KCNK17: variants seen among roughly 807,000 people sequenced by gnomAD.
The protein encoded by KCNK17 is potassium channel subfamily K member 17.
A neutral mutation model predicts 24.6 loss-of-function variants in KCNK17; 27 were observed. The observed-to-expected ratio is 1.10, with a 90% CI of 0.81 to 1.51. KCNK17 has a LOEUF of 1.51. KCNK17 is among the 40% of genes most tolerant of loss of function. The pLI, the probability that KCNK17 is intolerant of heterozygous loss-of-function variation, is 0.00. For synonymous variants in KCNK17, 181 were observed against 189.8 expected, an observed-to-expected ratio of 0.95 and a Z score of 0.38; for missense variants, 450 against 436.6, an observed-to-expected ratio of 1.03 and a Z score of -0.27.
chr6:39,305,703 G>T (rs978649615), intron 2 of KCNK17, among the ~76,000 whole-genome samples: 1 of 152,136 alleles, frequency 6.6e-6, no homozygotes, highest in African/African-American at 2.4e-5. Context: ...TCTCCTGTCT[G>T]CTGGGGAAAG....
At chr6:39,301,605 G>A (rs1204538830) in intron 4 of KCNK17, among the ~76,000 whole-genome samples, 3 of 152,270 alleles carry the variant, frequency 2.0e-5, no homozygotes, top group Admixed American at 6.5e-5. Context: ...AGGGGAGGAG[G>A]CGCTCTTCTC....
In KCNK17 at chr6:39,299,433, G is replaced by A. The variant is rs483353015; in HGVS notation, c.993C>T (p.Asp331=). The A allele has an allele frequency of 4.7e-4, 765 of 1,612,258 alleles. 16 individuals are homozygous for A. In the South Asian group the frequency reaches 6.9e-3, roughly 14 times the overall value. ...PSAHAAGCGK[D]S ...ACCAAAGAATGGAGTATAACTAGCT[G>A]TCCTTGCCACAGCCTGCAGCGTGAG... Residue 331 remains aspartate, a synonymous_variant, in exon 5 of 5, where the codon GAC becomes GAT. Coordinates refer to ENST00000373231, the MANE Select transcript of KCNK17 (RefSeq NM_031460.4).
At position 39,304,504 on chromosome 6, in the gene KCNK17, G is replaced by A; in HGVS notation, c.504C>T (p.Gly168=). The A allele has an allele frequency of 1.2e-6, 2 of 1,612,390 alleles. No individual in the cohort carries two copies. Among genetic ancestry groups the A allele is most frequent in the Non-Finnish European group, 1.7e-6 (2 of 1,178,654 alleles). ...GVNHWASRLG[G]TWQDPDKARW... ...CCAGCAGCCCCCTCACCTGCCAGGTGCCCCCCAGCCTGCTGGCCCAGTGGT... is the reference window on the plus strand; with the variant it reads ...CCAGCAGCCCCCTCACCTGCCAGGTACCCCCCAGCCTGCTGGCCCAGTGGT... Residue 168 remains glycine (G), a synonymous_variant, in exon 3 of 5, where the codon GGC becomes GGT. Coordinates refer to ENST00000373231, the MANE Select transcript of KCNK17 (RefSeq NM_031460.4).
rs1324578765 is a variant in KCNK17, at chr6:39,299,452, G to A, written c.974C>T (p.Ala325Val). 6.2e-7 allele frequency: 1 copy of A among 1,613,832 alleles called. No individual in the cohort carries two copies. Among genetic ancestry groups the A allele is most frequent in the Non-Finnish European group, 8.5e-7 (1 of 1,179,734 alleles). The part of the protein sequence containing the change: ...IIQHLEPSAH[A>V]AGCGKDS ...CTAGCTGTCCTTGCCACAGCCTGCAGCGTGAGCAGAAGGTTCCAGATGCTG... is the reference window on the plus strand; with the variant it reads ...CTAGCTGTCCTTGCCACAGCCTGCAACGTGAGCAGAAGGTTCCAGATGCTG... The change falls in exon 5 of 5, where the codon GCT becomes GTT. Residue 325 changes from alanine (A) to valine (V), a missense_variant. Ala to Val is a moderately conservative substitution (Grantham distance 64). Coordinates refer to ENST00000373231, the MANE Select transcript of KCNK17 (RefSeq NM_031460.4).
intron 2 of KCNK17, among the ~76,000 whole-genome samples, chr6:39,306,418 A>C (rs1431834548): frequency 6.6e-6 from 1 of 152,246 alleles, no homozygotes; most frequent in African/African-American, 2.4e-5. Flanking sequence ...TCTTCACTAC[A>C]TATGTGTTGA....
intron 4 of KCNK17, among the ~76,000 whole-genome samples, chr6:39,302,909 T>A (rs1761969596): frequency 6.6e-6 from 1 of 152,188 alleles, no homozygotes; most frequent in African/African-American, 2.4e-5. Context: ...TAGAAGGCAC[T>A]GAGGGGCTCT....
chr6:39,304,417 C>G (rs1562081636), intron 3 of KCNK17, 78 bp downstream of exon 3: 1 of 1,322,630 alleles, frequency 7.6e-7, no homozygotes, highest in Admixed American at 1.7e-5. Flanking sequence ...CACCTCTTGT[C>G]ATTAGTAACC....
intron 2 of KCNK17, among the ~76,000 whole-genome samples, chr6:39,310,631 A>G (rs1184893433): frequency 6.6e-6 from 1 of 152,160 alleles, no homozygotes; most frequent in South Asian, 2.1e-4. Flanking sequence ...CATGTGGGGC[A>G]GAAGTCCCCT....
chr6:39,304,092 G>A lies in KCNK17; in HGVS notation c.553C>T (p.Leu185Phe), dbSNP rs539707399. The change falls in exon 4 of 5, where the codon CTC becomes TTC. Residue 185 changes from leucine to phenylalanine, a missense_variant. Transcript: ENST00000373231. ...AGGAAGAGCAGGAGGCCCGAGAGGAGGGCGCCAGAGCCCGCCAGCCACCGC... is the reference window on the plus strand; with the variant it reads ...AGGAAGAGCAGGAGGCCCGAGAGGAAGGCGCCAGAGCCCGCCAGCCACCGC... ...KARWLAGSGA[L>F]LSGLLLFLLL... The A allele has an allele frequency of 1.1e-5, 17 of 1,611,782 alleles. No individual in the cohort carries two copies. The South Asian group carries it at 1.5e-4, about 15-fold the overall frequency.
intron 4 of KCNK17, 36 bp from the exon 5 acceptor site, chr6:39,299,773 G>A: frequency 1.3e-6 from 2 of 1,591,896 alleles, no homozygotes; most frequent in Non-Finnish European, 1.7e-6. Flanking sequence ...TGGAGGCCTG[G>A]GAAAGTCAGG....
chr6:39,307,016 C>T (rs1054020372), intron 2 of KCNK17, among the ~76,000 whole-genome samples: 30 of 152,164 alleles, frequency 2.0e-4, no homozygotes, highest in African/African-American at 7.2e-4. Context: ...CCTGCCTTGG[C>T]CTCCCAAAGT....
At chr6:39,305,484 G>A (rs180935120) in intron 2 of KCNK17, among the ~76,000 whole-genome samples, 62 of 148,760 alleles carry the variant, frequency 4.2e-4, no homozygotes, top group Non-Finnish European at 6.6e-4. Context: ...CCTAGGGGAG[G>A]AGGTAGAAGT....
At chr6:39,310,865 C>CCA in intron 2 of KCNK17, 28 bp downstream of exon 2, 29 of 1,258,896 alleles carry the variant, frequency 2.3e-5, no homozygotes, top group Non-Finnish European at 2.9e-5. Flanking sequence ...CCCCCACCCC[C>CCA]ATCCCCCTGG....
At chr6:39,310,080 G>A (rs1206788318) in intron 2 of KCNK17, among the ~76,000 whole-genome samples, 1 of 152,234 alleles carries the variant, frequency 6.6e-6, no homozygotes, top group Admixed American at 6.5e-5. Context: ...GCCAGGAACT[G>A]GGAGGCGGTA....
intron 3 of KCNK17, 85 bp from the exon 4 acceptor site, chr6:39,304,216 G>T (rs75115469): frequency 7.5e-7 from 1 of 1,330,640 alleles, no homozygotes; most frequent in Non-Finnish European, 1.0e-6. Flanking sequence ...GGCCAGAGCT[G>T]TCCCCAGTAA....
intron 2 of KCNK17, among the ~76,000 whole-genome samples, chr6:39,309,263 T>A (rs1762090000): frequency 6.6e-6 from 1 of 152,100 alleles, no homozygotes; most frequent in Admixed American, 6.5e-5. Flanking sequence ...GGCGGAGGTT[T>A]CAGTGAGCTG....
At chr6:39,310,169 G>C (rs1213096939) in intron 2 of KCNK17, among the ~76,000 whole-genome samples, 2 of 152,148 alleles carry the variant, frequency 1.3e-5, no homozygotes, top group Non-Finnish European at 2.9e-5. Flanking sequence ...GAAGGATCTG[G>C]GTGGCTCGAC....
intron 4 of KCNK17, among the ~76,000 whole-genome samples, chr6:39,303,376 C>T (rs752356223): frequency 7.9e-5 from 12 of 152,214 alleles, no homozygotes; most frequent in Non-Finnish European, 4.4e-5. Flanking sequence ...TGCTGGGCAT[C>T]GGACTCAGCC....
intron 4 of KCNK17, among the ~76,000 whole-genome samples, chr6:39,299,939 C>G (rs1030270186): frequency 2.0e-5 from 3 of 152,224 alleles, no homozygotes; most frequent in East Asian, 3.9e-4. Flanking sequence ...TTAGGAGCTA[C>G]ATTTCCTCTT....
Sources: allele counts gnomAD v4.1 joint callset (sites outside exome capture counted in the v4.1 genomes callset), GRCh38; gene constraint gnomAD v4.1.1; transcripts MANE v1.5; gene names NCBI Gene and HGNC (gene_info 2026-07-23, HGNC 2026-07-21).